Variants in TNIK observed in about 807,000 individuals in gnomAD.
TNIK encodes TRAF2 and NCK interacting kinase.
In TNIK, 49 loss-of-function variants were observed where a neutral mutation model predicts 191.3. That is an observed-to-expected ratio of 0.26 (90% confidence interval 0.20 to 0.32). The LOEUF is 0.32. TNIK is among the 10% of genes least tolerant of loss of function. The probability of loss-of-function intolerance (pLI) is 1.00; values close to 1 mark genes in which losing one functional copy is unlikely to be tolerated. For synonymous variants in TNIK, 594 were observed against 600.9 expected (o/e 0.99, Z 0.17); for missense variants, 1,155 against 1,702.3 (o/e 0.68, Z 5.66).
At chr3:171,167,300 TA>T in intron 9 of TNIK, 30 bp from the exon 10 acceptor site, 1 of 1,598,042 alleles carries the variant, frequency 6.3e-7, no homozygotes. Flanking sequence ...AATCCACAGA[TA>T]AAACGGCGAT....
At chr3:171,150,137 G>T (rs1255909345) in intron 12 of TNIK, among the ~76,000 whole-genome samples, 1 of 152,116 alleles carries the variant, frequency 6.6e-6, no homozygotes, top group Admixed American at 6.5e-5. Flanking sequence ...TCAGCTTCAA[G>T]GCCTCACCCT....
intron 2 of TNIK, among the ~76,000 whole-genome samples, chr3:171,271,287 C>T (rs1030639679): frequency 6.6e-6 from 1 of 152,196 alleles, no homozygotes; most frequent in Non-Finnish European, 1.5e-5. Context: ...GAGCCAGATA[C>T]TTTTTAAAAA....
intron 2 of TNIK, among the ~76,000 whole-genome samples, chr3:171,284,093 G>A (rs1366713856): frequency 2.6e-5 from 4 of 152,042 alleles, no homozygotes; most frequent in Non-Finnish European, 5.9e-5. Context: ...AGACCCAACC[G>A]AGACCTATGA....
chr3:171,329,040 T>G (rs1756117998), intron 2 of TNIK, among the ~76,000 whole-genome samples: 1 of 152,192 alleles, frequency 6.6e-6, no homozygotes, highest in South Asian at 2.1e-4. Context: ...TCTGCTCAAA[T>G]TTCATACTAT....
chr3:171,161,252 T>G lies in TNIK; in HGVS notation c.1016+18A>C. On this transcript the variant is annotated intron_variant, in intron 11 of 32. Transcript: ENST00000436636. ...TTCAGAATGTGAACATTAGAAGACTTGGCTTTTGCTCTCATACCTGGGCTC... is the reference window on the plus strand; with the variant it reads ...TTCAGAATGTGAACATTAGAAGACTGGGCTTTTGCTCTCATACCTGGGCTC... The G allele has an allele frequency of 6.2e-7, 1 of 1,610,064 alleles. No homozygotes were observed. The highest frequency in any genetic ancestry group is 8.5e-7 in the Non-Finnish European group (1 of 1,177,408).
At chr3:171,128,326 G>T (rs896086926) in intron 16 of TNIK, among the ~76,000 whole-genome samples, 12 of 152,100 alleles carry the variant, frequency 7.9e-5, no homozygotes, top group African/African-American at 2.9e-4. Context: ...TCAGTTTCAG[G>T]CTCATGCCAA....
At chr3:171,072,462 C>G (rs1356929930) in intron 28 of TNIK, among the ~76,000 whole-genome samples, 1 of 152,034 alleles carries the variant, frequency 6.6e-6, no homozygotes, top group Non-Finnish European at 1.5e-5. Context: ...ATATGACAAA[C>G]CCAGAGCCAA....
chr3:171,343,407 G>T (rs1003723918), intron 2 of TNIK, among the ~76,000 whole-genome samples: 7 of 152,078 alleles, frequency 4.6e-5, no homozygotes, highest in Non-Finnish European at 8.8e-5. Flanking sequence ...AAACACCAAG[G>T]CTCCCTGAGC....
intron 22 of TNIK, among the ~76,000 whole-genome samples, chr3:171,099,090 T>C (rs1476581027): frequency 6.6e-6 from 1 of 152,170 alleles, no homozygotes; most frequent in Non-Finnish European, 1.5e-5. Context: ...AGTTCATTAT[T>C]TCTTATGCAG....
intron 2 of TNIK, among the ~76,000 whole-genome samples, chr3:171,357,768 G>C (rs920524730): frequency 6.6e-6 from 1 of 152,142 alleles, no homozygotes; most frequent in Non-Finnish European, 1.5e-5. Flanking sequence ...TAGTATGGTT[G>C]CTAGCCAACA....
intron 1 of TNIK, among the ~76,000 whole-genome samples, chr3:171,392,851 A>G (rs1719745412): frequency 6.6e-6 from 1 of 151,648 alleles, no homozygotes. Context: ...TTCAATGCAT[A>G]CTTTGTCTCA....
rs144981960 is a variant in TNIK, at chr3:171,286,080, C to A, written c.124-57859G>T. Among the ~76,000 whole-genome samples, 354 of 152,210 alleles carry A rather than the reference C, an allele frequency of 2.3e-3. 1 individual carries two copies. Among genetic ancestry groups the A allele is most frequent in the African/African-American group, 7.5e-3 (312 of 41,524 alleles). ...TACTATTCCATATTTCCTGGTTAGC[C>A]TTTGCTGGGGAGAGAGGGGAGAGGG... On this transcript the variant is annotated intron_variant, in intron 2 of 32. Transcript: ENST00000436636.
intron 3 of TNIK, among the ~76,000 whole-genome samples, chr3:171,224,118 A>C (rs1187516535): frequency 6.6e-6 from 1 of 152,154 alleles, no homozygotes; most frequent in Non-Finnish European, 1.5e-5. Flanking sequence ...GGTAGTGAAA[A>C]CATGAGCCTG....
chr3:171,316,789 A>T (rs1249105183), intron 2 of TNIK, among the ~76,000 whole-genome samples: 1 of 152,040 alleles, frequency 6.6e-6, no homozygotes, highest in East Asian at 1.9e-4. Flanking sequence ...GATAGTTCTT[A>T]TATTACTATA....
At chr3:171,158,432 T>G (rs1406146462) in intron 11 of TNIK, among the ~76,000 whole-genome samples, 1 of 152,220 alleles carries the variant, frequency 6.6e-6, no homozygotes, top group Non-Finnish European at 1.5e-5. Flanking sequence ...AAGTTCTACC[T>G]ACTTCGCTGG....
In TNIK at chr3:171,366,220, G is replaced by A. The variant is rs888675567; in HGVS notation, c.123+3400C>T. On this transcript the variant is annotated intron_variant, in intron 2 of 32. Transcript: ENST00000436636. This position sits in a 1 kb window ranked among gnomAD's most constrained non-coding sequence, Gnocchi z 4.1. ...GGTTTCCTCATTAAAAGTCCTGAGA[G>A]TGAATCACTATTCTTTATTATTTAC... Among the ~76,000 whole-genome samples the A allele has an allele frequency of 7.9e-5, 12 of 152,046 alleles. No homozygotes were observed. The highest frequency in any genetic ancestry group is 2.9e-4 in the African/African-American group (12 of 41,372).
chr3:171,208,898 T>C (rs1417861354), intron 4 of TNIK, among the ~76,000 whole-genome samples: 2 of 152,180 alleles, frequency 1.3e-5, no homozygotes, highest in African/African-American at 4.8e-5. Flanking sequence ...CATTTATAAA[T>C]GCAGAGCTAC....
intron 2 of TNIK, among the ~76,000 whole-genome samples, chr3:171,353,087 G>C (rs1713460554): frequency 6.6e-6 from 1 of 152,146 alleles, no homozygotes; most frequent in Non-Finnish European, 1.5e-5. Flanking sequence ...AGAATGGTCA[G>C]ATATGAGAAA....
chr3:171,346,796 G>C (rs1712277098), intron 2 of TNIK: 3 of 170,102 alleles, frequency 1.8e-5, no homozygotes, highest in African/African-American at 7.1e-5. Context: ...AGAGAAAGCA[G>C]TATGTCTGGA....
Sources: gnomAD v4.1 joint callset for allele counts (sites outside exome capture counted in the v4.1 genomes callset) on GRCh38, gnomAD v4.1.1 for gene constraint, Gnocchi (gnomAD v3.1) non-coding constraint, MANE v1.5 for transcripts, NCBI Gene and HGNC (gene_info 2026-07-23, HGNC 2026-07-21) for gene names.